The following ZDHHC3 variants were observed in gnomAD, a reference collection of about 807,000 sequenced individuals.
ZDHHC3 encodes the protein palmitoyltransferase ZDHHC3.
A neutral mutation model predicts 30.6 loss-of-function variants in ZDHHC3; 9 were observed. That is an observed-to-expected ratio of 0.29 (90% CI 0.18 to 0.51). ZDHHC3 has a LOEUF of 0.51. Among genes scored for constraint, ZDHHC3 ranks in the 20% least tolerant of loss-of-function variants. ZDHHC3 has a pLI of 0.97. For missense variants in ZDHHC3, 246 were observed against 384.2 expected (o/e 0.64, Z 3.01); for synonymous variants, 136 against 140.2 (o/e 0.97, Z 0.21).
chr3:44,945,668 C>T (rs953316539), intron 2 of ZDHHC3, among the ~76,000 whole-genome samples: 1 of 151,996 alleles, frequency 6.6e-6, no homozygotes, highest in African/African-American at 2.4e-5. Flanking sequence ...AGCGATTTTC[C>T]TGCTTCAGCC....
At chr3:44,974,981 C>T (rs1014381158) in intron 1 of ZDHHC3, among the ~76,000 whole-genome samples, 9 of 152,014 alleles carry the variant, frequency 5.9e-5, no homozygotes, top group Non-Finnish European at 8.8e-5. Flanking sequence ...CTAAAGGTAG[C>T]ACAAAGCCTA....
rs556289356 is a variant in ZDHHC3 at position 44,932,380 on chromosome 3, A to G, written c.610+738T>C. Among the ~76,000 whole-genome samples the G allele has an allele frequency of 3.9e-5, 6 of 152,324 alleles. No individual in the cohort carries two copies. In the East Asian group the frequency reaches 1.2e-3, roughly 29 times the overall value. ...AAAAGTTCTAAAGACAGTGAAATAA[A>G]AAAAAGGAGGCCCATGGAGGGAAAA... On this transcript the variant is annotated intron_variant, in intron 5 of 6. Transcript: ENST00000424952.
At chr3:44,929,128 G>A (rs1701261728) in intron 6 of ZDHHC3, among the ~76,000 whole-genome samples, 178 bp downstream of exon 6, 2 of 152,210 alleles carry the variant, frequency 1.3e-5, no homozygotes, top group African/African-American at 4.8e-5. Context: ...CAAGGCTGGA[G>A]GACTTGTGTG....
Position 44,976,012 on chromosome 3 carries a change from C to G in ZDHHC3, c.-104G>C, listed in dbSNP as rs1271115690. On this transcript the variant is annotated 5_prime_UTR_variant, in exon 1 of 7. Coordinates refer to ENST00000424952, the MANE Select transcript of ZDHHC3 (RefSeq NM_001135179.2). Reference sequence around the variant, plus strand: ...GCCGCCGCTGCCTTCCCCTGCAGTCCCCAACCCGGGACCCGGCCTCGGGCT... The same window carrying G: ...GCCGCCGCTGCCTTCCCCTGCAGTCGCCAACCCGGGACCCGGCCTCGGGCT... 1 of 381,988 alleles carries G rather than the reference C, an allele frequency of 2.6e-6. No homozygotes were observed. The highest frequency in any genetic ancestry group is 4.6e-6 in the Non-Finnish European group (1 of 215,400). The allele number at this position is 381,988 out of a possible 1,614,324, so 23.7% of individuals were successfully genotyped here. A position where few individuals can be genotyped will look rare whatever the true frequency, so the allele number is the denominator to read the frequency against.
rs1700469612 is a variant in ZDHHC3, at chr3:44,919,816, A to G, written c.*6873T>C. The G allele has an allele frequency of 1.1e-6, 1 of 938,796 alleles. No homozygotes were observed. The highest frequency in any genetic ancestry group is 1.8e-5 in the African/African-American group (1 of 56,194). 58.2% of individuals were successfully genotyped at this position (938,796 alleles called of 1,614,324 possible). ...GGGAACTCTTTGTACTGTTTTTGTC[A>G]CATTTTTGTAAGTCTGATTTCACAA... is the stretch of plus-strand genomic sequence containing the variant. On this transcript the variant is annotated 3_prime_UTR_variant, in exon 7 of 7. Transcript: ENST00000424952.
Position 44,926,467 on chromosome 3 carries a change from A to G in ZDHHC3, c.*222T>C. 3.9e-6 allele frequency: 5 copies of G among 1,277,172 alleles called. No individual in the cohort carries two copies. Among genetic ancestry groups the G allele is most frequent in the East Asian group, 3.1e-5 (1 of 32,128 alleles). The allele number at this position is 1,277,172 out of a possible 1,614,324, so 79.1% of individuals were successfully genotyped here. ...AGAAGTGATTTTAAAAGGAAAAGAG[A>G]GCAGCTTCGGTCACCAAAAGAAATC... On this transcript the variant is annotated 3_prime_UTR_variant, in exon 7 of 7. Transcript: ENST00000424952.
At chr3:44,966,321 T>A (rs1172414375) in intron 1 of ZDHHC3, among the ~76,000 whole-genome samples, 1 of 152,236 alleles carries the variant, frequency 6.6e-6, no homozygotes, top group Non-Finnish European at 1.5e-5. Flanking sequence ...TCTATTATTA[T>A]GCTAGACTGC....
Position 44,920,559 on chromosome 3 carries a change from TG to T in ZDHHC3, c.*6129del, listed in dbSNP as rs781647302. 3 of 985,204 alleles carry T rather than the reference TG, an allele frequency of 3.0e-6. No homozygotes were observed. The highest frequency in any genetic ancestry group is 3.6e-6 in the Non-Finnish European group (3 of 829,734). The allele number at this position is 985,204 out of a possible 1,614,324, so 61.0% of individuals were successfully genotyped here. A position where few individuals can be genotyped will look rare whatever the true frequency, so the allele number is the denominator to read the frequency against. ...AAGAAACAGAAGTTCCAAGAGGCCA[TG>T]ACGGTGGCCAAGGCTCATCTAGCTT... On this transcript the variant is annotated 3_prime_UTR_variant, in exon 7 of 7. Coordinates refer to ENST00000424952, the MANE Select transcript of ZDHHC3 (RefSeq NM_001135179.2).
In ZDHHC3 at chr3:44,923,617, C is replaced by T. The variant is rs1235419871; in HGVS notation, c.*3072G>A. The T allele has an allele frequency of 2.2e-6, 2 of 894,480 alleles. No individual in the cohort carries two copies. The highest frequency in any genetic ancestry group is 1.0e-4 in the South Asian group (2 of 19,446). 55.4% of individuals were successfully genotyped at this position (894,480 alleles called of 1,614,324 possible). On this transcript the variant is annotated 3_prime_UTR_variant, in exon 7 of 7. Coordinates refer to ENST00000424952, the MANE Select transcript of ZDHHC3 (RefSeq NM_001135179.2). ...GGGCATTTGAGACTAGCTAGGGCAA[C>T]ACAGTGAGACCCTGACTCTATTAAA...
chr3:44,943,199 C>T (rs1702596489), intron 3 of ZDHHC3, among the ~76,000 whole-genome samples: 2 of 152,206 alleles, frequency 1.3e-5, no homozygotes, highest in African/African-American at 4.8e-5. Flanking sequence ...CATAAAGTTA[C>T]ATGTGTCATC....
In ZDHHC3 at chr3:44,918,853, G is replaced by A. The variant is rs1050908715; in HGVS notation, c.*7836C>T. ...GCCACAGAAAGGGTGTTGGGGTGGG[G>A]AGATGCCCAGAGGAGGTAAAGACAT... On this transcript the variant is annotated 3_prime_UTR_variant, in exon 7 of 7. Transcript: ENST00000424952. The A allele has an allele frequency of 7.1e-6, 7 of 986,988 alleles. No homozygotes were observed. Among genetic ancestry groups the A allele is most frequent in the Admixed American group, 6.0e-5 (1 of 16,558 alleles). The allele number at this position is 986,988 out of a possible 1,614,324, so 61.1% of individuals were successfully genotyped here. A position where few individuals can be genotyped will look rare whatever the true frequency, so the allele number is the denominator to read the frequency against.
rs1704320603 is a variant in ZDHHC3 at position 44,959,892 on chromosome 3, C to T, written c.-24-432G>A. 6.6e-6 allele frequency among the ~76,000 whole-genome samples: 1 copy of T among 152,112 alleles called. No individual in the cohort carries two copies. The highest frequency in any genetic ancestry group is 2.4e-5 in the African/African-American group (1 of 41,392). On this transcript the variant is annotated intron_variant, in intron 1 of 6. Transcript: ENST00000424952. This position sits in a 1 kb window ranked among gnomAD's most constrained non-coding sequence, Gnocchi z 4.3. Reference sequence around the variant, plus strand: ...TCCTCCCACCTCAACCTCCCAAGTACCTAGAACTACAGGCACGCACCACCA... The same window carrying T: ...TCCTCCCACCTCAACCTCCCAAGTATCTAGAACTACAGGCACGCACCACCA...
At chr3:44,927,292 C>T (rs1264661713) in intron 6 of ZDHHC3, among the ~76,000 whole-genome samples, 1 of 152,156 alleles carries the variant, frequency 6.6e-6, no homozygotes, top group Non-Finnish European at 1.5e-5. Flanking sequence ...CAATGATGGC[C>T]ATTAATTTGG....
chr3:44,949,397 G>A (rs945827697), intron 2 of ZDHHC3, among the ~76,000 whole-genome samples: 1 of 152,184 alleles, frequency 6.6e-6, no homozygotes, highest in Non-Finnish European at 1.5e-5. Flanking sequence ...GCCAAGGTGG[G>A]AGGATAGCTT....
chr3:44,942,729 C>G (rs1702547847), intron 3 of ZDHHC3, among the ~76,000 whole-genome samples: 1 of 152,222 alleles, frequency 6.6e-6, no homozygotes, highest in Admixed American at 6.5e-5. Context: ...TTAATCCTCA[C>G]AACAAACTAC....
chr3:44,960,043 G>A (rs1049700404), intron 1 of ZDHHC3, among the ~76,000 whole-genome samples: 9 of 152,196 alleles, frequency 5.9e-5, no homozygotes, highest in Admixed American at 6.5e-5. Context: ...GATTATAGGC[G>A]TGAGCCACGG....
At chr3:44,948,487 C>T (rs1446714320) in intron 2 of ZDHHC3, among the ~76,000 whole-genome samples, 1 of 152,224 alleles carries the variant, frequency 6.6e-6, no homozygotes, top group East Asian at 1.9e-4. Context: ...TGAAGGTCTA[C>T]ACCATGCCGA....
In ZDHHC3 at chr3:44,922,164, A is replaced by G. The variant is rs1700639723; in HGVS notation, c.*4525T>C. ...CTTTCTCTTCTATGAGGTGATCCTA[A>G]GCCAGATACATATTTAAAGAATACA... On this transcript the variant is annotated 3_prime_UTR_variant, in exon 7 of 7. Transcript: ENST00000424952. The G allele has an allele frequency of 1.9e-5, 19 of 985,440 alleles. No homozygotes were observed. The highest frequency in any genetic ancestry group is 2.2e-5 in the Non-Finnish European group (18 of 829,938). The allele number at this position is 985,440 out of a possible 1,614,324, so 61.0% of individuals were successfully genotyped here.
In ZDHHC3 at chr3:44,926,670, C is replaced by CCATG. The variant is rs780955906; in HGVS notation, c.*15_*18dup. The CCATG allele has an allele frequency of 6.4e-7, 1 of 1,571,474 alleles. No homozygotes were observed. Among genetic ancestry groups the CCATG allele is most frequent in the South Asian group, 1.2e-5 (1 of 84,468 alleles). ...GTGGTGTGGACTTGTGTCTGAGTGG[C>CCATG]CATGCCGGTCGGGGTCCTTCAGACC... is the stretch of plus-strand genomic sequence containing the variant. On this transcript the variant is annotated 3_prime_UTR_variant, in exon 7 of 7. Coordinates refer to ENST00000424952, the MANE Select transcript of ZDHHC3 (RefSeq NM_001135179.2).
Sources: gnomAD v4.1 joint callset for allele counts (sites outside exome capture counted in the v4.1 genomes callset) on GRCh38, gnomAD v4.1.1 for gene constraint, Gnocchi (gnomAD v3.1) non-coding constraint, MANE v1.5 for transcripts, NCBI Gene and HGNC (gene_info 2026-07-23, HGNC 2026-07-21) for gene names.